BABAM2: variants seen among roughly 807,000 people sequenced by gnomAD.
The protein encoded by BABAM2 is BRISC and BRCA1-A complex member 2.
BABAM2 carries 31 observed loss-of-function variants against 54.7 expected under a neutral mutation model. The ratio of observed to expected loss-of-function variants is 0.57; its 90% CI spans 0.43 to 0.77. The LOEUF (loss-of-function observed/expected upper bound fraction) is 0.77. Among genes scored for constraint, BABAM2 ranks in the 30% least tolerant of loss-of-function variants. BABAM2 has a pLI of 0.00. For synonymous variants in BABAM2, 167 were observed against 162.9 expected (o/e 1.03, Z -0.19); for missense variants, 364 against 455.8 (o/e 0.80, Z 1.83).
intron 11 of BABAM2, chr2:28,327,166 G>A: frequency 8.5e-7 from 1 of 1,182,040 alleles, no homozygotes; most frequent in Non-Finnish European, 1.2e-6. Flanking sequence ...AAAGAAGCTG[G>A]TCCCATGGCC....
intron 11 of BABAM2, among the ~76,000 whole-genome samples, chr2:28,312,831 C>T (rs917542724): frequency 3.3e-5 from 5 of 152,072 alleles, no homozygotes; most frequent in African/African-American, 4.8e-5. Flanking sequence ...ATGAAATAAT[C>T]GATATAGACC....
chr2:28,073,546 G>A (rs1047212272), intron 6 of BABAM2, among the ~76,000 whole-genome samples: 6 of 152,026 alleles, frequency 3.9e-5, no homozygotes, highest in South Asian at 2.1e-4. Context: ...TTATAAATAC[G>A]TGTTCATTGT....
intron 7 of BABAM2, among the ~76,000 whole-genome samples, chr2:28,207,973 A>G (rs1370735498): frequency 6.6e-6 from 1 of 152,204 alleles, no homozygotes. Context: ...ACAAAGAGAG[A>G]ATACATATTT....
At chr2:28,192,285 C>T (rs926805571) in intron 7 of BABAM2, among the ~76,000 whole-genome samples, 6 of 151,988 alleles carry the variant, frequency 3.9e-5, no homozygotes, top group East Asian at 1.9e-4. Flanking sequence ...CTGCCTGCCT[C>T]GGCCTCCCAA....
chr2:27,900,903 C>T (rs765057502), intron 2 of BABAM2, among the ~76,000 whole-genome samples: 9 of 151,868 alleles, frequency 5.9e-5, no homozygotes, highest in Non-Finnish European at 1.3e-4. Flanking sequence ...ATTAGCCGGG[C>T]ATGGTAGCGG....
At chr2:28,024,704 CCTAT>C (rs1365139396) in intron 4 of BABAM2, among the ~76,000 whole-genome samples, 1 of 152,048 alleles carries the variant, frequency 6.6e-6, no homozygotes, top group African/African-American at 2.4e-5. Context: ...CTATTTTATG[CCTAT>C]CTTTTTCAGG....
At chr2:28,125,080 A>G (rs1296772306) in intron 6 of BABAM2, among the ~76,000 whole-genome samples, 3 of 152,274 alleles carry the variant, frequency 2.0e-5, no homozygotes, top group Admixed American at 1.3e-4. Context: ...GGAAATTTAC[A>G]AAAGAAATGT....
At chr2:28,035,241 T>G (rs926806545) in intron 5 of BABAM2, among the ~76,000 whole-genome samples, 1 of 152,194 alleles carries the variant, frequency 6.6e-6, no homozygotes, top group South Asian at 2.1e-4. Flanking sequence ...ATTTGTACTT[T>G]GCATTATTTT....
intron 7 of BABAM2, among the ~76,000 whole-genome samples, chr2:28,161,391 G>A (rs1337071773): frequency 6.6e-6 from 1 of 152,120 alleles, no homozygotes; most frequent in Non-Finnish European, 1.5e-5. Context: ...CCAGGGAATG[G>A]GAATGGGGAT....
At chr2:28,283,482 G>T (rs1047205358) in intron 10 of BABAM2, among the ~76,000 whole-genome samples, 4 of 152,176 alleles carry the variant, frequency 2.6e-5, no homozygotes, top group Admixed American at 2.6e-4. Context: ...CTCAGGCCTG[G>T]CTCTCGCCTT....
At chr2:28,045,909 C>A (rs1677522839) in intron 6 of BABAM2, 110 bp downstream of exon 6, 3 of 861,278 alleles carry the variant, frequency 3.5e-6, no homozygotes, top group South Asian at 5.4e-5. Context: ...ATGATGAATT[C>A]TATTAAAAAT....
In BABAM2 at chr2:28,033,055, A is replaced by T. The variant is rs190061682; in HGVS notation, c.495+7635A>T. 3.5e-4 allele frequency among the ~76,000 whole-genome samples: 54 copies of T among 152,262 alleles called. 2 individuals are homozygous for T. The highest frequency in any genetic ancestry group is 3.5e-3 in the Admixed American group (53 of 15,298). On this transcript the variant is annotated intron_variant, in intron 5 of 11. Transcript: ENST00000379624. ...ATATTCCATTACCACAAAGATCTCT[A>T]CTGCTACCCGTTTGAGCAGAGCTAT...
intron 3 of BABAM2, among the ~76,000 whole-genome samples, chr2:27,957,895 C>T (rs1670202869): frequency 6.6e-6 from 1 of 152,172 alleles, no homozygotes; most frequent in South Asian, 2.1e-4. Context: ...TTGCTTGGAG[C>T]CCTGCACCAC....
At chr2:28,143,343 G>T (rs1385436369) in intron 7 of BABAM2, among the ~76,000 whole-genome samples, 1 of 152,032 alleles carries the variant, frequency 6.6e-6, no homozygotes, top group East Asian at 1.9e-4. Context: ...ACCAGGGGTG[G>T]GGAAGAGGTA....
At chr2:28,245,868 T>G in intron 10 of BABAM2, among the ~76,000 whole-genome samples, 1 of 152,310 alleles carries the variant, frequency 6.6e-6, no homozygotes, top group African/African-American at 2.4e-5. Context: ...TGCAGCAGAT[T>G]TACCTTCTTC....
At chr2:28,321,502 A>G (rs1001483963) in intron 11 of BABAM2, among the ~76,000 whole-genome samples, 11 of 152,154 alleles carry the variant, frequency 7.2e-5, no homozygotes, top group Non-Finnish European at 1.5e-4. Context: ...TAGGCCAGAA[A>G]ATAGGAATCG....
chr2:28,156,968 G>A (rs916997302), intron 7 of BABAM2, among the ~76,000 whole-genome samples: 1 of 152,170 alleles, frequency 6.6e-6, no homozygotes, highest in Admixed American at 6.5e-5. Flanking sequence ...TTTCTTTAAA[G>A]TGAATTACAT....
chr2:28,293,131 A>G (rs932655050), intron 10 of BABAM2, among the ~76,000 whole-genome samples: 6 of 151,992 alleles, frequency 3.9e-5, no homozygotes, highest in African/African-American at 1.5e-4. Flanking sequence ...CCTTGTCCTC[A>G]TTTTGCCATA....
At chr2:28,133,441 A>G (rs1670260006) in intron 7 of BABAM2, among the ~76,000 whole-genome samples, 2 of 152,024 alleles carry the variant, frequency 1.3e-5, no homozygotes, top group African/African-American at 4.8e-5. Context: ...TGAGGCTTGT[A>G]CTCCTTTTGG....
Sources: allele counts gnomAD v4.1 joint callset (sites outside exome capture counted in the v4.1 genomes callset), GRCh38; gene constraint gnomAD v4.1.1; transcripts MANE v1.5; gene names NCBI Gene and HGNC (gene_info 2026-07-23, HGNC 2026-07-21).